Variants in CDH9 observed in about 807,000 individuals in gnomAD.
CDH9 encodes cadherin 9.
A neutral mutation model predicts 70.9 loss-of-function variants in CDH9; 28 were observed. That is an observed-to-expected ratio of 0.40 (90% CI 0.29 to 0.54). The LOEUF is 0.54. Ranked by LOEUF, CDH9 falls within the 20% of genes least tolerant of loss-of-function variation. The pLI is 0.59. For synonymous variants in CDH9, 409 were observed against 343.1 expected, an observed-to-expected ratio of 1.19 and a Z score of -2.12; for missense variants, 874 against 984.4, an observed-to-expected ratio of 0.89 and a Z score of 1.50.
At chr5:27,032,444 T>C (rs1408110883) in intron 1 of CDH9, among the ~76,000 whole-genome samples, 1 of 151,676 alleles carries the variant, frequency 6.6e-6, no homozygotes, top group Non-Finnish European at 1.5e-5. Flanking sequence ...TGACATCTTA[T>C]TTAATGCTAG....
At chr5:26,972,088 A>G (rs1231934457) in intron 2 of CDH9, among the ~76,000 whole-genome samples, 2 of 152,220 alleles carry the variant, frequency 1.3e-5, no homozygotes, top group Non-Finnish European at 2.9e-5. Flanking sequence ...TTCCCTATGC[A>G]AGAGTCATTA....
rs903955015 is a variant in CDH9, at chr5:26,948,401, A to C, written c.229-32477T>G. Among the ~76,000 whole-genome samples, 9 of 152,330 alleles carry C rather than the reference A, an allele frequency of 5.9e-5. No individual in the cohort carries two copies. In the East Asian group the frequency reaches 1.7e-3, roughly 29 times the overall value. On this transcript the variant is annotated intron_variant, in intron 2 of 11. Transcript: ENST00000231021. Reference sequence around the variant, plus strand: ...GTGCCCAGAAACTCACCCAATATCAACAGAAGAAACATTTCTTGAAAATAT... The same window carrying C: ...GTGCCCAGAAACTCACCCAATATCACCAGAAGAAACATTTCTTGAAAATAT...
intron 6 of CDH9, chr5:26,903,007 C>T: frequency 3.4e-6 from 1 of 296,902 alleles, no homozygotes; most frequent in South Asian, 5.7e-5. Context: ...GAAGTATTAT[C>T]TAATGGATTT....
intron 1 of CDH9, among the ~76,000 whole-genome samples, chr5:27,014,844 G>T (rs1239454848): frequency 6.6e-6 from 1 of 151,660 alleles, no homozygotes; most frequent in South Asian, 2.1e-4. Context: ...TCATCTAAGA[G>T]TTTTTCAATA....
chr5:26,905,594 A>C (rs1225197994), intron 5 of CDH9, among the ~76,000 whole-genome samples: 1 of 152,158 alleles, frequency 6.6e-6, no homozygotes, highest in Non-Finnish European at 1.5e-5. Flanking sequence ...CAGACATGAG[A>C]GCCCACCCTC....
At chr5:26,979,032 C>T (rs1742351432) in intron 2 of CDH9, among the ~76,000 whole-genome samples, 1 of 151,622 alleles carries the variant, frequency 6.6e-6, no homozygotes, top group Non-Finnish European at 1.5e-5. Flanking sequence ...GAAATGATGT[C>T]ACACAGAAAT....
At chr5:26,909,439 A>T (rs964518818) in intron 3 of CDH9, among the ~76,000 whole-genome samples, 1 of 151,678 alleles carries the variant, frequency 6.6e-6, no homozygotes, top group Non-Finnish European at 1.5e-5. Flanking sequence ...TTAAAGATAA[A>T]AATATAGTAA....
At chr5:26,899,818 T>C (rs1740820702) in intron 7 of CDH9, among the ~76,000 whole-genome samples, 2 of 151,428 alleles carry the variant, frequency 1.3e-5, no homozygotes, top group South Asian at 4.2e-4. Flanking sequence ...TGTATATCTA[T>C]GTAACAAACC....
intron 1 of CDH9, among the ~76,000 whole-genome samples, chr5:27,019,452 C>A (rs907549935): frequency 6.6e-6 from 1 of 151,824 alleles, no homozygotes; most frequent in Non-Finnish European, 1.5e-5. Context: ...GAATTAATCC[C>A]AGTCTACTTT....
At chr5:27,009,622 T>C (rs1742923828) in intron 1 of CDH9, among the ~76,000 whole-genome samples, 1 of 152,122 alleles carries the variant, frequency 6.6e-6, no homozygotes, top group African/African-American at 2.4e-5. Flanking sequence ...ATACTATATA[T>C]ACACTCCTTG....
At chr5:27,014,755 A>G (rs1363671374) in intron 1 of CDH9, among the ~76,000 whole-genome samples, 1 of 151,932 alleles carries the variant, frequency 6.6e-6, no homozygotes, top group Non-Finnish European at 1.5e-5. Flanking sequence ...GATTATAATT[A>G]TCACTGGTTC....
At chr5:26,915,029 A>T (rs547774304) in intron 3 of CDH9, among the ~76,000 whole-genome samples, 1 of 152,174 alleles carries the variant, frequency 6.6e-6, no homozygotes, top group African/African-American at 2.4e-5. Context: ...TTCAGTTTGC[A>T]TAAGGCAATG....
chr5:26,965,695 G>A (rs1742118166), intron 2 of CDH9, among the ~76,000 whole-genome samples: 1 of 151,610 alleles, frequency 6.6e-6, no homozygotes, highest in African/African-American at 2.4e-5. Context: ...AATTATTTTA[G>A]CCTAATTATC....
chr5:26,951,293 A>C (rs1288215551), intron 2 of CDH9, among the ~76,000 whole-genome samples: 2 of 134,582 alleles, frequency 1.5e-5, no homozygotes, highest in African/African-American at 3.5e-5. Context: ...CTCTGTCTCA[A>C]AAAAAAAAAA....
intron 2 of CDH9, among the ~76,000 whole-genome samples, chr5:26,931,553 A>G (rs1483210852): frequency 6.6e-6 from 1 of 152,160 alleles, no homozygotes; most frequent in Non-Finnish European, 1.5e-5. Flanking sequence ...TAAAACCTAC[A>G]TTGCGTGAGT....
rs576464799 is a variant in CDH9 at position 26,889,403 on chromosome 5, T to C, written c.1512+433A>G. The stretch of plus-strand genomic sequence containing the variant: ...TCACTCATATCAAAATCTGAAACTA[T>C]TAAAAGTGGCAAAATGTAATCAAGA... On this transcript the variant is annotated intron_variant, in intron 9 of 11. Coordinates refer to ENST00000231021, the MANE Select transcript of CDH9 (RefSeq NM_016279.4). Among the ~76,000 whole-genome samples the C allele has an allele frequency of 2.0e-5, 3 of 152,208 alleles. No homozygotes were observed. The South Asian group carries it at 6.2e-4, about 32-fold the overall frequency.
At chr5:26,984,056 G>C (rs1742448987) in intron 2 of CDH9, among the ~76,000 whole-genome samples, 1 of 151,970 alleles carries the variant, frequency 6.6e-6, no homozygotes, top group Admixed American at 6.6e-5. Context: ...TGTTGTTTTA[G>C]GTAACAGATA....
intron 2 of CDH9, among the ~76,000 whole-genome samples, chr5:26,968,739 G>A (rs1256428035): frequency 6.6e-6 from 1 of 150,720 alleles, no homozygotes; most frequent in Non-Finnish European, 1.5e-5. Flanking sequence ...GGCAAGGGAA[G>A]CTTCTAGAAT....
intron 2 of CDH9, among the ~76,000 whole-genome samples, chr5:26,931,699 G>A (rs1348341440): frequency 1.3e-5 from 2 of 152,082 alleles, no homozygotes; most frequent in Non-Finnish European, 2.9e-5. Flanking sequence ...CACTTAGGAA[G>A]TACCAGAAGA....
Sources: allele counts gnomAD v4.1 joint callset (sites outside exome capture counted in the v4.1 genomes callset), GRCh38; gene constraint gnomAD v4.1.1; transcripts MANE v1.5; gene names NCBI Gene and HGNC (gene_info 2026-07-23, HGNC 2026-07-21).